ADAMTS12: variants seen among roughly 807,000 people sequenced by gnomAD.
ADAMTS12 encodes ADAM metallopeptidase with thrombospondin type 1 motif 12, also known as A disintegrin and metalloproteinase with thrombospondin motifs 12.
In ADAMTS12, 118 loss-of-function variants were observed where a neutral mutation model predicts 167.8. That is an observed-to-expected ratio of 0.70 (90% confidence interval 0.61 to 0.82). The LOEUF (loss-of-function observed/expected upper bound fraction) is 0.82, where lower values mean the gene tolerates loss of function less well. Among genes scored for constraint, ADAMTS12 ranks in the 40% least tolerant of loss-of-function variants. The pLI, the probability that ADAMTS12 is intolerant of heterozygous loss-of-function variation, is 0.00. For missense variants in ADAMTS12, 1,916 were observed against 1,998.8 expected, an observed-to-expected ratio of 0.96 and a Z score of 0.79; for synonymous variants, 704 against 716.9, an observed-to-expected ratio of 0.98 and a Z score of 0.29.
chr5:33,570,600 TA>T (rs1746277298), intron 19 of ADAMTS12, among the ~76,000 whole-genome samples: 1 of 152,082 alleles, frequency 6.6e-6, no homozygotes, highest in Non-Finnish European at 1.5e-5. Context: ...AAGGAAGCAC[TA>T]AACATGGAAA....
Position 33,726,771 on chromosome 5 carries a change from G to A in ADAMTS12, c.634+24633C>T, listed in dbSNP as rs143304332. Among the ~76,000 whole-genome samples, 403 of 152,206 alleles carry A rather than the reference G, an allele frequency of 2.6e-3. 10 individuals carry two copies. Among genetic ancestry groups the A allele is most frequent in the African/African-American group, 9.2e-3 (380 of 41,450 alleles). On this transcript the variant is annotated intron_variant, in intron 3 of 23. Coordinates refer to ENST00000504830, the MANE Select transcript of ADAMTS12 (RefSeq NM_030955.4). ...CAGACTTAAGAATTCAAATATGCAA[G>A]TGCAGAGGCTTTCTTGGGCCAAATT...
At chr5:33,792,075 G>A (rs1177880374) in intron 2 of ADAMTS12, among the ~76,000 whole-genome samples, 1 of 143,080 alleles carries the variant, frequency 7.0e-6, no homozygotes, top group Admixed American at 7.5e-5. Flanking sequence ...TCGGCTCACT[G>A]CAACCTCTGC....
At chr5:33,614,754 AC>A (rs1180205356) in intron 15 of ADAMTS12, among the ~76,000 whole-genome samples, 2 of 152,166 alleles carry the variant, frequency 1.3e-5, no homozygotes, top group African/African-American at 4.8e-5. Context: ...TTATGCACTT[AC>A]CAGCTTTGTG....
intron 15 of ADAMTS12, 144 bp downstream of exon 15, chr5:33,615,684 C>T (rs1738965094): frequency 1.7e-6 from 2 of 1,169,694 alleles, no homozygotes; most frequent in Admixed American, 4.9e-5. Flanking sequence ...ACAGCACAAA[C>T]TAATATCTCA....
intron 2 of ADAMTS12, among the ~76,000 whole-genome samples, chr5:33,871,787 T>C (rs891792811): frequency 4.6e-5 from 7 of 152,056 alleles, no homozygotes; most frequent in Middle Eastern, 3.2e-3. Flanking sequence ...AAATGAAAGA[T>C]GGGATATCAC....
intron 2 of ADAMTS12, among the ~76,000 whole-genome samples, chr5:33,780,927 G>A (rs1746104067): frequency 6.6e-6 from 1 of 152,088 alleles, no homozygotes; most frequent in South Asian, 2.1e-4. Context: ...GTGGTGGGAT[G>A]GCATAAGTTT....
Position 33,847,360 on chromosome 5 carries a change from C to T in ADAMTS12, c.489+33759G>A, listed in dbSNP as rs189822371. Among the ~76,000 whole-genome samples, 204 of 152,288 alleles carry T rather than the reference C, an allele frequency of 1.3e-3. 1 individual carries two copies. The highest frequency in any genetic ancestry group is 4.7e-3 in the African/African-American group (196 of 41,560). On this transcript the variant is annotated intron_variant, in intron 2 of 23. Coordinates refer to ENST00000504830, the MANE Select transcript of ADAMTS12 (RefSeq NM_030955.4). ...AGTTTCGGCCAGGCACTGTGGCTCA[C>T]GCCTGTAATCCCAGCACTTTGGGAG...
chr5:33,767,098 A>G (rs1282169339), intron 2 of ADAMTS12, among the ~76,000 whole-genome samples: 2 of 152,248 alleles, frequency 1.3e-5, no homozygotes, highest in Non-Finnish European at 2.9e-5. Context: ...ATGGGATGTC[A>G]TGCAGCAAAT....
intron 2 of ADAMTS12, among the ~76,000 whole-genome samples, chr5:33,808,448 C>T (rs1482489298): frequency 6.6e-6 from 1 of 152,140 alleles, no homozygotes; most frequent in African/African-American, 2.4e-5. Context: ...AATGTGTAGT[C>T]AAGTTTGAGA....
intron 7 of ADAMTS12, among the ~76,000 whole-genome samples, chr5:33,650,079 A>G (rs1331036537): frequency 6.6e-6 from 1 of 152,136 alleles, no homozygotes; most frequent in Non-Finnish European, 1.5e-5. Context: ...CAAAAGAACA[A>G]AACCTTCCTT....
chr5:33,871,847 T>C (rs1355947943), intron 2 of ADAMTS12, among the ~76,000 whole-genome samples: 2 of 152,148 alleles, frequency 1.3e-5, no homozygotes, highest in Admixed American at 6.5e-5. Context: ...TAGTTCTCTA[T>C]GGCAATGTGA....
At chr5:33,764,193 A>C (rs1201139905) in intron 2 of ADAMTS12, among the ~76,000 whole-genome samples, 1 of 152,232 alleles carries the variant, frequency 6.6e-6, no homozygotes, top group East Asian at 1.9e-4. Context: ...CTACTTCTCA[A>C]GTCATCTATG....
intron 23 of ADAMTS12, among the ~76,000 whole-genome samples, chr5:33,534,462 C>T (rs1744274581): frequency 6.6e-6 from 1 of 152,154 alleles, no homozygotes; most frequent in Non-Finnish European, 1.5e-5. Context: ...ATAGAGATGA[C>T]CATTTCACAC....
Position 33,715,897 on chromosome 5 carries a change from C to A in ADAMTS12, c.635-31842G>T, listed in dbSNP as rs117106495. On this transcript the variant is annotated intron_variant, in intron 3 of 23. Coordinates refer to ENST00000504830, the MANE Select transcript of ADAMTS12 (RefSeq NM_030955.4). ...AACCCCACCCAAGTTTCTTCTAACT[C>A]TCTCTAGGCTGGGGACTATAACTTT... 8.0e-4 allele frequency among the ~76,000 whole-genome samples: 122 copies of A among 152,264 alleles called. 1 individual carries two copies. The East Asian group carries it at 0.021, about 26-fold the overall frequency.
intron 2 of ADAMTS12, among the ~76,000 whole-genome samples, chr5:33,829,061 C>T (rs1748200861): frequency 6.6e-6 from 1 of 152,110 alleles, no homozygotes; most frequent in African/African-American, 2.4e-5. Flanking sequence ...GAATGAGATC[C>T]ACTCCAGCAC....
At chr5:33,695,572 C>T (rs1377240511) in intron 3 of ADAMTS12, among the ~76,000 whole-genome samples, 3 of 152,122 alleles carry the variant, frequency 2.0e-5, no homozygotes, top group Non-Finnish European at 4.4e-5. Context: ...GGATGTTATA[C>T]TAAGTGAAAC....
At chr5:33,788,508 C>A (rs80179411) in intron 2 of ADAMTS12, among the ~76,000 whole-genome samples, 1 of 151,992 alleles carries the variant, frequency 6.6e-6, no homozygotes. Flanking sequence ...TTCAGGTGCA[C>A]ACAAAAAGCA....
At chr5:33,562,930 C>G (rs555054165) in intron 19 of ADAMTS12, among the ~76,000 whole-genome samples, 1 of 152,068 alleles carries the variant, frequency 6.6e-6, no homozygotes, top group East Asian at 1.9e-4. Flanking sequence ...CCACGCCTGG[C>G]CTTCACTCTC....
chr5:33,645,099 C>T (rs900356990), intron 9 of ADAMTS12, among the ~76,000 whole-genome samples: 5 of 151,684 alleles, frequency 3.3e-5, no homozygotes, highest in Non-Finnish European at 7.4e-5. Context: ...GCCAGTTTCA[C>T]CTTTATTTCC....
Sources: allele counts gnomAD v4.1 joint callset (sites outside exome capture counted in the v4.1 genomes callset), GRCh38; gene constraint gnomAD v4.1.1; transcripts MANE v1.5; gene names NCBI Gene and HGNC (gene_info 2026-07-23, HGNC 2026-07-21).